Variants in LY75 observed in about 807,000 individuals in gnomAD.
LY75 encodes lymphocyte antigen 75.
In LY75, 185 loss-of-function variants were observed where a neutral mutation model predicts 231.7. That is an observed-to-expected ratio of 0.80 (90% confidence interval 0.71 to 0.90). The LOEUF (loss-of-function observed/expected upper bound fraction) is 0.90. Among genes scored for constraint, LY75 ranks in the 40% least tolerant of loss-of-function variants. The pLI is 0.00. For synonymous variants in LY75, 668 were observed against 689.0 expected (o/e 0.97, Z 0.48); for missense variants, 1,947 against 2,050.2 (o/e 0.95, Z 0.97).
intron 31 of LY75, 153 bp from the exon 32 acceptor site, chr2:159,810,828 T>A: frequency 1.3e-6 from 1 of 754,808 alleles, no homozygotes; most frequent in African/African-American, 1.9e-5. Context: ...ACTCTATAAA[T>A]ACATATTTTA....
At chr2:159,896,581 G>C (rs564492927) in intron 2 of LY75, among the ~76,000 whole-genome samples, 1 of 152,182 alleles carries the variant, frequency 6.6e-6, no homozygotes, top group Non-Finnish European at 1.5e-5. Context: ...ATAAGAAGGT[G>C]GGGACAACAA....
chr2:159,842,222 G>C, intron 24 of LY75, 23 bp downstream of exon 24: 1 of 1,599,152 alleles, frequency 6.3e-7, no homozygotes, highest in Non-Finnish European at 8.5e-7. Flanking sequence ...AAGTACCATA[G>C]TTATCTAGAT....
At chr2:159,857,466 G>A (rs539381671) in intron 16 of LY75, among the ~76,000 whole-genome samples, 5 of 152,294 alleles carry the variant, frequency 3.3e-5, no homozygotes, top group Admixed American at 3.3e-4. Flanking sequence ...TTGAGGCTGG[G>A]TGCAGTGGCT....
chr2:159,901,340 A>C (rs1478737770), intron 1 of LY75, among the ~76,000 whole-genome samples: 1 of 152,194 alleles, frequency 6.6e-6, no homozygotes, highest in Non-Finnish European at 1.5e-5. Flanking sequence ...TGCCTCTCCA[A>C]AATAAATCTT....
chr2:159,871,469 A>C (rs1022021730), intron 13 of LY75, among the ~76,000 whole-genome samples: 2 of 152,040 alleles, frequency 1.3e-5, no homozygotes, highest in Non-Finnish European at 2.9e-5. Flanking sequence ...AAATTAAAAA[A>C]TTTAAAAAAT....
intron 27 of LY75, 76 bp downstream of exon 27, chr2:159,833,968 C>A: frequency 2.0e-6 from 3 of 1,505,752 alleles, no homozygotes; most frequent in Non-Finnish European, 2.7e-6. Context: ...GCCATTAAAC[C>A]TCTTTTTCTT....
At chr2:159,807,300 T>C (rs947510538) in intron 33 of LY75, among the ~76,000 whole-genome samples, 160 bp from the exon 34 acceptor site, 10 of 152,252 alleles carry the variant, frequency 6.6e-5, no homozygotes, top group Non-Finnish European at 1.3e-4. Flanking sequence ...AGTTCTTCAG[T>C]TGCACTAGTC....
At position 159,804,085 on chromosome 2, in the gene LY75, T is replaced by G. The variant is rs1203546345; in HGVS notation, c.*959A>C. 3 of 152,172 alleles carry G rather than the reference T, an allele frequency of 2.0e-5. No individual in the cohort carries two copies. The highest frequency in any genetic ancestry group is 2.0e-4 in the Admixed American group (3 of 15,272). The allele number at this position is 152,172 out of a possible 1,614,324, so 9.4% of individuals were successfully genotyped here. On this transcript the variant is annotated 3_prime_UTR_variant, in exon 35 of 35. Coordinates refer to ENST00000263636, the MANE Select transcript of LY75 (RefSeq NM_002349.4). Reference sequence around the variant, plus strand: ...CCACACTTGGGAAAATGTTAAGCACTAAATCTTTAAAAGTCATTGTTTTAT... The same window carrying G: ...CCACACTTGGGAAAATGTTAAGCACGAAATCTTTAAAAGTCATTGTTTTAT...
At chr2:159,858,575 T>G in intron 15 of LY75, 99 bp from the exon 16 acceptor site, 1 of 1,299,576 alleles carries the variant, frequency 7.7e-7, no homozygotes, top group Non-Finnish European at 1.0e-6. Flanking sequence ...ATTTTAGCTC[T>G]AGCACCTAAG....
intron 13 of LY75, among the ~76,000 whole-genome samples, chr2:159,870,788 A>G (rs1371097587): frequency 6.6e-6 from 1 of 151,988 alleles, no homozygotes; most frequent in Non-Finnish European, 1.5e-5. Flanking sequence ...CTGGGATTAC[A>G]GGCATAAGCC....
At chr2:159,873,998 C>T (rs1201363906) in intron 12 of LY75, among the ~76,000 whole-genome samples, 4 of 57,450 alleles carry the variant, frequency 7.0e-5, no homozygotes, top group East Asian at 6.5e-4. Flanking sequence ...TACATATAAA[C>T]GTATATATTT....
intron 26 of LY75, among the ~76,000 whole-genome samples, chr2:159,834,873 C>T (rs1426658622): frequency 1.8e-4 from 27 of 152,184 alleles, no homozygotes; most frequent in Non-Finnish European, 1.5e-5. Context: ...GAAGCAGTGT[C>T]TTCTTTCTAC....
intron 4 of LY75, among the ~76,000 whole-genome samples, chr2:159,889,079 T>G (rs956309417): frequency 2.0e-5 from 3 of 152,190 alleles, no homozygotes; most frequent in Non-Finnish European, 4.4e-5. Flanking sequence ...AATATAATAT[T>G]AAAATTTGTT....
At chr2:159,821,368 C>G (rs1046883360) in intron 28 of LY75, among the ~76,000 whole-genome samples, 1 of 152,006 alleles carries the variant, frequency 6.6e-6, no homozygotes, top group African/African-American at 2.4e-5. Flanking sequence ...GTAATCACAG[C>G]ACTTTGGGAG....
rs1449512943 is a variant in LY75, at chr2:159,850,430, G to C, written c.2921C>G (p.Ser974Cys). 4 of 1,613,500 alleles carry C rather than the reference G, an allele frequency of 2.5e-6. No individual in the cohort carries two copies. The Admixed American group carries it at 6.7e-5, about 27-fold the overall frequency. The change falls in exon 22 of 35, where the codon TCT becomes TGT. Residue 974 changes from serine to cysteine, a missense_variant. Ser to Cys is a moderately radical substitution (Grantham distance 112, BLOSUM62 -1). Coordinates refer to ENST00000263636, the MANE Select transcript of LY75 (RefSeq NM_002349.4). The stretch of plus-strand genomic sequence containing the variant: ...GGAGTGACAGGTATCGCTTGCTTGA[G>C]AAAATGTGAGAGACACGGGTTTGAT... ...LKIKPVSLTF[S>C]QASDTCHSYG...
intron 25 of LY75, 120 bp from the exon 26 acceptor site, chr2:159,835,765 T>C (rs1023973020): frequency 1.3e-5 from 16 of 1,222,778 alleles, no homozygotes; most frequent in Non-Finnish European, 1.4e-5. Flanking sequence ...CACATTTACA[T>C]ACCATTTACT....
At chr2:159,845,107 AAG>A (rs1369280627) in intron 23 of LY75, among the ~76,000 whole-genome samples, 1 of 152,200 alleles carries the variant, frequency 6.6e-6, no homozygotes, top group Non-Finnish European at 1.5e-5. Context: ...GACAATGAGA[AAG>A]AGATGGAACT....
intron 14 of LY75, among the ~76,000 whole-genome samples, chr2:159,864,018 A>C (rs1410064097): frequency 1.3e-5 from 2 of 152,182 alleles, no homozygotes; most frequent in Non-Finnish European, 2.9e-5. Context: ...AGTAGGCTGT[A>C]CCATCTAGAT....
chr2:159,833,859 G>T (rs1372666182), intron 27 of LY75, among the ~76,000 whole-genome samples, 185 bp downstream of exon 27: 1 of 152,136 alleles, frequency 6.6e-6, no homozygotes, highest in Non-Finnish European at 1.5e-5. Context: ...CAGTTTCCCT[G>T]CACATGCTCT....
Sources: allele counts gnomAD v4.1 joint callset (sites outside exome capture counted in the v4.1 genomes callset), GRCh38; gene constraint gnomAD v4.1.1; transcripts MANE v1.5; gene names NCBI Gene and HGNC (gene_info 2026-07-23, HGNC 2026-07-21).